Variants in IGFL2 observed in about 807,000 individuals in gnomAD.
IGFL2 encodes the protein insulin growth factor-like family member 2.
IGFL2 carries 7 observed loss-of-function variants against 13.9 expected under a neutral mutation model. That is an observed-to-expected ratio of 0.51 (90% CI 0.29 to 0.95). IGFL2 has a LOEUF of 0.95. IGFL2 is among the 40% of genes least tolerant of loss of function. The pLI is 0.08. For missense variants in IGFL2, 138 were observed against 147.8 expected (o/e 0.93, Z 0.34); for synonymous variants, 55 against 55.8 (o/e 0.99, Z 0.07).
the IGFL2 span, chr19:46,212,231 GA>G: frequency 6.6e-6 from 1 of 152,356 alleles, no homozygotes. Flanking sequence ...TTCCCCTGGG[GA>G]AGGTGCGTGC....
the IGFL2 span, chr19:46,173,641 T>C: frequency 6.6e-6 from 1 of 152,168 alleles, no homozygotes; most frequent in African/African-American, 2.4e-5. Context: ...AGAACTCACT[T>C]ATTACTGTGA....
chr19:46,106,059 A>G, the IGFL2 span, among the ~76,000 whole-genome samples: 1 of 152,220 alleles, frequency 6.6e-6, no homozygotes, highest in East Asian at 1.9e-4. Context: ...CCAGATATCC[A>G]AAGGAGAAAG....
the IGFL2 span, among the ~76,000 whole-genome samples, chr19:46,130,207 G>A: frequency 6.6e-6 from 1 of 151,954 alleles, no homozygotes; most frequent in African/African-American, 2.4e-5. Flanking sequence ...CATTTGCTTG[G>A]TAGATTTTCC....
the IGFL2 span, among the ~76,000 whole-genome samples, chr19:46,086,553 A>G: frequency 6.6e-6 from 1 of 152,166 alleles, no homozygotes; most frequent in African/African-American, 2.4e-5. Context: ...CAAGCTCCTG[A>G]CCTCAAGTGA....
At chr19:46,141,545 C>T (rs888012310), upstream of IGFL2, among the ~76,000 whole-genome samples, 46 of 152,274 alleles carry the variant, frequency 3.0e-4, no homozygotes, top group African/African-American at 1.1e-3. Flanking sequence ...CTGCCTTTCC[C>T]TCTAGCACCT....
the IGFL2 span, among the ~76,000 whole-genome samples, chr19:46,183,690 C>T: frequency 4.0e-3 from 603 of 152,214 alleles, 2 homozygotes; most frequent in African/African-American, 0.012. Flanking sequence ...TGCCTGACAC[C>T]ATGCCTGGCT....
At chr19:46,122,672 A>C in the IGFL2 span, among the ~76,000 whole-genome samples, 2 of 151,030 alleles carry the variant, frequency 1.3e-5, no homozygotes, top group Non-Finnish European at 2.9e-5. Context: ...ACATTCGGTT[A>C]CTGTCAGACA....
chr19:46,120,266 C>T, the IGFL2 span: 1 of 1,605,856 alleles, frequency 6.2e-7, no homozygotes. Flanking sequence ...ACTGTAGTCT[C>T]CGATGTCCAG....
the IGFL2 span, among the ~76,000 whole-genome samples, chr19:46,193,284 C>T: frequency 2.0e-5 from 3 of 152,066 alleles, no homozygotes; most frequent in South Asian, 2.1e-4. Flanking sequence ...CGTGTCGTCC[C>T]GCTCTGTCCT....
the IGFL2 span, chr19:46,113,043 A>C: frequency 2.6e-5 from 4 of 152,242 alleles, no homozygotes; most frequent in African/African-American, 9.6e-5. Flanking sequence ...GGGTGCACCC[A>C]TAGGAGAAAA....
chr19:46,179,296 A>G, the IGFL2 span, among the ~76,000 whole-genome samples: 24,133 of 134,092 alleles, frequency 0.18, 2,282 homozygotes, highest in African/African-American at 0.19. Flanking sequence ...GGGGTCTGTG[A>G]GAGGCAGGGC....
chr19:46,081,908 C>G, the IGFL2 span, among the ~76,000 whole-genome samples: 1 of 152,218 alleles, frequency 6.6e-6, no homozygotes, highest in African/African-American at 2.4e-5. Context: ...TACCTAAACA[C>G]AGTGGCTTCA....
chr19:46,153,839 A>ATATATATTTTT (rs1198396702), intron 1 of IGFL2, among the ~76,000 whole-genome samples: 1 of 139,364 alleles, frequency 7.2e-6, no homozygotes, highest in African/African-American at 2.7e-5. Context: ...ATATATATAT[A>ATATATATTTTT]TTTTTTTTAC....
chr19:46,160,551 T>C (rs1974101883), intron 2 of IGFL2, 63 bp from the exon 3 acceptor site: 1 of 1,612,278 alleles, frequency 6.2e-7, no homozygotes, highest in East Asian at 2.2e-5. Flanking sequence ...GGGCTCCTGA[T>C]TGGGGGATGT....
At chr19:46,127,695 ATAGATGT>A in the IGFL2 span, among the ~76,000 whole-genome samples, 6 of 152,184 alleles carry the variant, frequency 3.9e-5, no homozygotes, top group Non-Finnish European at 8.8e-5. Context: ...TGGATATTAG[ATAGATGT>A]TAGATTGATA....
the IGFL2 span, among the ~76,000 whole-genome samples, chr19:46,169,743 A>T: frequency 6.6e-6 from 1 of 151,484 alleles, no homozygotes; most frequent in East Asian, 1.9e-4. Context: ...AGCTACTCAG[A>T]AGGCTGAGGC....
chr19:46,165,415 T>A (rs1974352222), downstream of IGFL2, among the ~76,000 whole-genome samples: 1 of 152,200 alleles, frequency 6.6e-6, no homozygotes, highest in African/African-American at 2.4e-5. Flanking sequence ...CAGCACCCCA[T>A]AGCAGGTTGG....
chr19:46,143,745 C>T (rs9676592), upstream of IGFL2, among the ~76,000 whole-genome samples: 751 of 152,272 alleles, frequency 4.9e-3, 4 homozygotes, highest in African/African-American at 0.017. Flanking sequence ...TAGATATTGT[C>T]TCTGCTCAAA....
chr19:46,108,429 C>T, the IGFL2 span, among the ~76,000 whole-genome samples: 2 of 151,014 alleles, frequency 1.3e-5, no homozygotes, highest in Non-Finnish European at 2.9e-5. Flanking sequence ...TTTGTATTGA[C>T]ACCAAGTAAT....
Sources: allele counts gnomAD v4.1 joint callset (sites outside exome capture counted in the v4.1 genomes callset), GRCh38; gene constraint gnomAD v4.1.1; transcripts MANE v1.5; gene names NCBI Gene and HGNC (gene_info 2026-07-23, HGNC 2026-07-21).